NXPE3: variants seen among roughly 807,000 people sequenced by gnomAD.
NXPE3 encodes the protein neurexophilin and PC-esterase domain family member 3.
In NXPE3, 26 loss-of-function variants were observed where a neutral mutation model predicts 46.1. The observed-to-expected ratio is 0.56, with a 90% CI of 0.41 to 0.78. The LOEUF (loss-of-function observed/expected upper bound fraction) is 0.78. Among genes scored for constraint, NXPE3 ranks in the 30% least tolerant of loss-of-function variants. The pLI, the probability that NXPE3 is intolerant of heterozygous loss-of-function variation, is 0.00. For synonymous variants in NXPE3, 272 were observed against 257.9 expected (o/e 1.05, Z -0.52); for missense variants, 620 against 686.0 (o/e 0.90, Z 1.07).
intron 4 of NXPE3, among the ~76,000 whole-genome samples, chr3:101,800,706 T>G (rs1941090743): frequency 6.6e-6 from 1 of 150,866 alleles, no homozygotes; most frequent in African/African-American, 2.4e-5. Flanking sequence ...TAAGGGTTGT[T>G]TTTTTTTTTG....
At chr3:101,779,475 G>C (rs1469631421) in intron 1 of NXPE3, 151 bp downstream of exon 1, 1 of 152,558 alleles carries the variant, frequency 6.6e-6, no homozygotes, top group Non-Finnish European at 1.5e-5. Context: ...CGTGCTGATA[G>C]GTGCAGCCCC....
Position 101,801,611 on chromosome 3 carries a change from C to T in NXPE3, c.470C>T (p.Ala157Val), listed in dbSNP as rs766526706. 1 of 1,614,190 alleles carries T rather than the reference C, an allele frequency of 6.2e-7. No homozygotes were observed. The highest frequency in any genetic ancestry group is 2.2e-5 in the East Asian group (1 of 44,886). Residue 157 changes from alanine (A) to valine (V), a missense_variant, in exon 5 of 8, where the codon GCT (alanine) becomes GTT (valine). Ala to Val is a moderately conservative substitution (Grantham distance 64, BLOSUM62 0). This residue lies in a region of NXPE3 where 511 missense variants were observed against 528.6 expected (regional missense o/e 0.97). Transcript: ENST00000273347. ...RIHSLKLQAG[A>V]VGRVVDYQNG... is the part of the protein sequence containing the mutation. ...CACTCCCTCAAGCTGCAGGCTGGGG[C>T]TGTGGGCAGGGTGGTGGATTACCAG...
intron 7 of NXPE3, among the ~76,000 whole-genome samples, chr3:101,818,732 TATATATATATATATATATATA>T (rs1265526915): frequency 3.0e-4 from 9 of 29,690 alleles, no homozygotes; most frequent in African/African-American, 8.4e-4. Context: ...TATATATATA[TATATATATATATATATATATA>T]TTTTTTTTTT....
intron 7 of NXPE3, among the ~76,000 whole-genome samples, chr3:101,818,985 A>AAACTT (rs1463675307): frequency 1.3e-5 from 2 of 151,532 alleles, no homozygotes; most frequent in Non-Finnish European, 2.9e-5. Flanking sequence ...GGCTGGTCTC[A>AAACTT]AACTTCTGAC....
chr3:101,792,113 G>A (rs1345491908), intron 4 of NXPE3, among the ~76,000 whole-genome samples: 1 of 152,124 alleles, frequency 6.6e-6, no homozygotes, highest in East Asian at 1.9e-4. Flanking sequence ...TTTTAATGGG[G>A]TTGTTTCTTG....
intron 4 of NXPE3, among the ~76,000 whole-genome samples, chr3:101,799,930 T>C (rs1037349545): frequency 2.6e-5 from 4 of 152,182 alleles, no homozygotes; most frequent in African/African-American, 4.8e-5. Context: ...ATTTCTGATA[T>C]TAATAATTTG....
chr3:101,794,110 C>CTTTTTTTTTTTT (rs1299035514), intron 4 of NXPE3, among the ~76,000 whole-genome samples: 1 of 139,680 alleles, frequency 7.2e-6, no homozygotes. Flanking sequence ...TGTATTTTGC[C>CTTTTTTTTTTTT]TTTTTTTTTT....
intron 6 of NXPE3, among the ~76,000 whole-genome samples, chr3:101,808,818 G>GAGATATATATAT (rs1313213746): frequency 1.6e-4 from 5 of 30,810 alleles, no homozygotes; most frequent in East Asian, 2.1e-3. Context: ...AATTTTAGAG[G>GAGATATATATAT]ATATATATAT....
At chr3:101,794,789 AATGTTAGAAAATTATT>A (rs1940729070) in intron 4 of NXPE3, among the ~76,000 whole-genome samples, 1 of 152,168 alleles carries the variant, frequency 6.6e-6, no homozygotes, top group African/African-American at 2.4e-5. Context: ...GTCAGGAAGG[AATGTTAGAAAATTATT>A]CTTTTGTTCT....
intron 6 of NXPE3, 63 bp downstream of exon 6, chr3:101,807,189 C>T (rs1941457834): frequency 1.0e-5 from 13 of 1,257,070 alleles, no homozygotes; most frequent in Admixed American, 3.6e-5. Context: ...GAGGCTCTGT[C>T]GTTTCATTTA....
At position 101,801,308 on chromosome 3, in the gene NXPE3, G is replaced by T. The variant is rs771702824; in HGVS notation, c.167G>T (p.Gly56Val). 9 of 1,614,078 alleles carry T rather than the reference G, an allele frequency of 5.6e-6. No individual in the cohort carries two copies. Among genetic ancestry groups the T allele is most frequent in the Admixed American group, 5.0e-5 (3 of 60,004 alleles). Residue 56 changes from glycine (G) to valine (V), a missense_variant, in exon 5 of 8, where the codon GGA (glycine) becomes GTA (valine). Coordinates refer to ENST00000273347, the MANE Select transcript of NXPE3 (RefSeq NM_145037.4). ...CAGTTTGTTTCCTCCCAGGTGACAG[G>T]AATTAGCCGAAATCCCTACTGTGGC... is the stretch of plus-strand genomic sequence containing the variant. ...SGQFVSSQVT[G>V]ISRNPYCGYD...
chr3:101,821,246 G>A (rs575605227), intron 7 of NXPE3, among the ~76,000 whole-genome samples, 158 bp from the exon 8 acceptor site: 1 of 152,214 alleles, frequency 6.6e-6, no homozygotes, highest in Non-Finnish European at 1.5e-5. Context: ...ACAAAAGGGG[G>A]CAGAGTTCAG....
chr3:101,786,392 C>G (rs891477395), intron 4 of NXPE3, among the ~76,000 whole-genome samples: 1 of 152,142 alleles, frequency 6.6e-6, no homozygotes, highest in African/African-American at 2.4e-5. Context: ...GCCTAAGGTG[C>G]TCTAAAAGCT....
chr3:101,816,429 AC>A (rs1406962263), intron 6 of NXPE3, among the ~76,000 whole-genome samples: 1 of 149,244 alleles, frequency 6.7e-6, no homozygotes, highest in Non-Finnish European at 1.5e-5. Flanking sequence ...CTTCCCCCCA[AC>A]CCCCCGACAG....
At position 101,808,482 on chromosome 3, in the gene NXPE3, A is replaced by G. The variant is rs535728622; in HGVS notation, c.922+1356A>G. ...GGGAAGGAACTGAAGAGCAAGGACC[A>G]TCTCAAGGGGCAGCCTCTTTTCAGT... On this transcript the variant is annotated intron_variant, in intron 6 of 7. Coordinates refer to ENST00000273347, the MANE Select transcript of NXPE3 (RefSeq NM_145037.4). Among the ~76,000 whole-genome samples, 3 of 152,232 alleles carry G rather than the reference A, an allele frequency of 2.0e-5. No individual in the cohort carries two copies. In the East Asian group the frequency reaches 5.8e-4, roughly 30 times the overall value.
intron 6 of NXPE3, among the ~76,000 whole-genome samples, chr3:101,808,253 C>T (rs953275144): frequency 5.9e-5 from 9 of 152,240 alleles, no homozygotes; most frequent in South Asian, 2.1e-4. Flanking sequence ...AATTAGCTAT[C>T]GTGATTTTTA....
At position 101,785,474 on chromosome 3, in the gene NXPE3, C is replaced by CT. The variant is rs1172482126; in HGVS notation, c.-122dup. On this transcript the variant is annotated 5_prime_UTR_variant, in exon 4 of 8. An upstream open reading frame in the 5' UTR gains an earlier in-frame stop. Coordinates refer to ENST00000273347, the MANE Select transcript of NXPE3 (RefSeq NM_145037.4). ...CTCTGCATAAGAGCTCTTAAGGGTA[C>CT]TAGCAGGATAGAAGCAAATGAAACT... The CT allele has an allele frequency of 6.3e-6, 5 of 799,826 alleles. No individual in the cohort carries two copies. The African/African-American group carries it at 8.4e-5, about 13-fold the overall frequency. 49.5% of individuals were successfully genotyped at this position (799,826 alleles called of 1,614,324 possible).
At chr3:101,821,366 T>C in intron 7 of NXPE3, 38 bp from the exon 8 acceptor site, 9 of 1,579,050 alleles carry the variant, frequency 5.7e-6, no homozygotes, top group Non-Finnish European at 7.8e-6. Flanking sequence ...TGTGCTTGGT[T>C]TGAAGGTTTT....
At chr3:101,789,813 C>A (rs1940398721) in intron 4 of NXPE3, among the ~76,000 whole-genome samples, 1 of 152,028 alleles carries the variant, frequency 6.6e-6, no homozygotes, top group Non-Finnish European at 1.5e-5. Flanking sequence ...ACCTCCCCCT[C>A]CCAAGTAACT....
Sources: gnomAD v4.1 joint callset for allele counts (sites outside exome capture counted in the v4.1 genomes callset) on GRCh38, gnomAD v4.1.1 for gene constraint, gnomAD v4.1.1 regional missense constraint, MANE v1.5 for transcripts, NCBI Gene and HGNC (gene_info 2026-07-23, HGNC 2026-07-21) for gene names.